COBL: variants seen among roughly 807,000 people sequenced by gnomAD.
COBL encodes protein cordon-bleu.
In COBL, 51 loss-of-function variants were observed where a neutral mutation model predicts 98.8. That is an observed-to-expected ratio of 0.52 (90% confidence interval 0.41 to 0.65). COBL has a LOEUF of 0.65. Among genes scored for constraint, COBL ranks in the 30% least tolerant of loss-of-function variants. COBL has a pLI of 0.00. For synonymous variants in COBL, 634 were observed against 651.7 expected (o/e 0.97, Z 0.41); for missense variants, 1,617 against 1,617.5 (o/e 1.00, Z 0.01).
At chr7:51,093,976 T>C (rs1282024028) in intron 6 of COBL, among the ~76,000 whole-genome samples, 1 of 150,746 alleles carries the variant, frequency 6.6e-6, no homozygotes, top group Non-Finnish European at 1.5e-5. Flanking sequence ...AATTGTTTTT[T>C]ATATACATAT....
intron 1 of COBL, among the ~76,000 whole-genome samples, chr7:51,287,950 G>A (rs746827667): frequency 3.3e-5 from 5 of 152,156 alleles, no homozygotes; most frequent in Non-Finnish European, 7.4e-5. Context: ...TCCATTTATA[G>A]GGCATTCTCA....
chr7:51,173,058 G>A (rs1788034249), intron 5 of COBL, among the ~76,000 whole-genome samples: 1 of 152,086 alleles, frequency 6.6e-6, no homozygotes, highest in Non-Finnish European at 1.5e-5. Flanking sequence ...CAAAATGCTA[G>A]GATTACAGGT....
chr7:51,150,347 T>C (rs1388302236), intron 5 of COBL, among the ~76,000 whole-genome samples: 1 of 152,112 alleles, frequency 6.6e-6, no homozygotes, highest in Non-Finnish European at 1.5e-5. Context: ...ACGTAGGTGT[T>C]AGGAAAGGAA....
chr7:51,280,721 G>A (rs1027713284), intron 1 of COBL, among the ~76,000 whole-genome samples: 1 of 152,186 alleles, frequency 6.6e-6, no homozygotes. Flanking sequence ...AACTGCACAC[G>A]TATGGATCTG....
intron 5 of COBL, among the ~76,000 whole-genome samples, chr7:51,163,133 G>A (rs1185829514): frequency 6.6e-6 from 1 of 152,194 alleles, no homozygotes; most frequent in African/African-American, 2.4e-5. Flanking sequence ...ATTCAAAGCA[G>A]CAAAAGGATG....
Position 51,025,257 on chromosome 7 carries a change from G to GCCA in COBL, c.3619_3620insTGG (p.Pro1207delinsLeuAla). ...CTGGGAGGGTGGAGGGGGTGGTGGG[G>GCCA]GAATGGCTGGTGGGGACAGAAGACC... On this transcript the variant is annotated protein_altering_variant, in exon 12 of 13. Transcript: ENST00000265136. 2 of 1,102,448 alleles carry GCCA rather than the reference G, an allele frequency of 1.8e-6. No individual in the cohort carries two copies. The highest frequency in any genetic ancestry group is 1.8e-5 in the Admixed American group (1 of 56,980). 68.3% of individuals were successfully genotyped at this position (1,102,448 alleles called of 1,614,324 possible).
intron 5 of COBL, among the ~76,000 whole-genome samples, chr7:51,148,029 T>C (rs1305246045): frequency 6.6e-6 from 1 of 152,192 alleles, no homozygotes; most frequent in East Asian, 1.9e-4. Flanking sequence ...CCGAAAGTGC[T>C]GGGATTACAG....
chr7:51,193,469 A>C lies in COBL; in HGVS notation c.366T>G (p.Thr122=). The change falls in exon 3 of 13, where the codon ACT becomes ACG. Residue 122 remains threonine (T), a synonymous_variant. Coordinates refer to ENST00000265136, the MANE Select transcript of COBL (RefSeq NM_015198.5). ...TQQPLSFKPN[T]LIGTLNVHTV... ...TATGCACATTCAGGGTCCCAATCAA[A>C]GTATTTGGCTTAAAACTCAAAGGTT... 6.2e-7 allele frequency: 1 copy of C among 1,614,204 alleles called. No individual in the cohort carries two copies. Among genetic ancestry groups the C allele is most frequent in the Non-Finnish European group, 8.5e-7 (1 of 1,180,028 alleles).
At chr7:51,066,330 A>G (rs1791920512) in intron 7 of COBL, among the ~76,000 whole-genome samples, 1 of 151,922 alleles carries the variant, frequency 6.6e-6, no homozygotes, top group African/African-American at 2.4e-5. Flanking sequence ...AGCACGCACC[A>G]CCTCCTCCAC....
chr7:51,306,052 G>A (rs1364594179), intron 1 of COBL, among the ~76,000 whole-genome samples: 2 of 151,986 alleles, frequency 1.3e-5, no homozygotes, highest in African/African-American at 4.8e-5. Context: ...GCGGGGGTGG[G>A]GGCAAACATT....
At chr7:51,078,728 AG>A (rs538861762) in intron 7 of COBL, among the ~76,000 whole-genome samples, 172 of 152,276 alleles carry the variant, frequency 1.1e-3, no homozygotes, top group African/African-American at 4.0e-3. Flanking sequence ...GGTGTGGATC[AG>A]GACTATGGTC....
chr7:51,128,897 C>T (rs558351954), intron 6 of COBL, among the ~76,000 whole-genome samples: 89 of 152,324 alleles, frequency 5.8e-4, no homozygotes. Flanking sequence ...CCTACCTGTG[C>T]CCAGACAGAC....
At chr7:51,067,637 T>C (rs1450268825) in intron 7 of COBL, among the ~76,000 whole-genome samples, 1 of 152,250 alleles carries the variant, frequency 6.6e-6, no homozygotes, top group Non-Finnish European at 1.5e-5. Flanking sequence ...CAGACCCTTC[T>C]TAGCTGCATG....
intron 1 of COBL, among the ~76,000 whole-genome samples, chr7:51,278,147 T>C (rs1799479746): frequency 6.6e-6 from 1 of 152,146 alleles, no homozygotes; most frequent in Admixed American, 6.5e-5. Flanking sequence ...GCAATACCCG[T>C]ATCAAATGAT....
intron 1 of COBL, among the ~76,000 whole-genome samples, chr7:51,271,755 C>T (rs546985621): frequency 3.9e-4 from 59 of 152,328 alleles, no homozygotes. Flanking sequence ...ACCAGTCGGA[C>T]ACAGTGGCTC....
At chr7:51,101,540 C>T (rs776198668) in intron 6 of COBL, among the ~76,000 whole-genome samples, 1 of 152,200 alleles carries the variant, frequency 6.6e-6, no homozygotes, top group Non-Finnish European at 1.5e-5. Flanking sequence ...TCCTCTTTAA[C>T]CACTGTCCTT....
chr7:51,209,542 G>A (rs970345603), intron 2 of COBL, among the ~76,000 whole-genome samples: 1 of 152,116 alleles, frequency 6.6e-6, no homozygotes, highest in Non-Finnish European at 1.5e-5. Flanking sequence ...AACAAAACAG[G>A]GAGAACATCA....
chr7:51,062,599 GACA>G, intron 7 of COBL, among the ~76,000 whole-genome samples: 1 of 152,354 alleles, frequency 6.6e-6, no homozygotes, highest in Non-Finnish European at 1.5e-5. Flanking sequence ...AGCATTCCCA[GACA>G]ACATCATGGC....
intron 6 of COBL, among the ~76,000 whole-genome samples, chr7:51,113,652 AT>A (rs759396539): frequency 6.6e-6 from 1 of 152,234 alleles, no homozygotes; most frequent in South Asian, 2.1e-4. Flanking sequence ...TGGAAAAAAA[AT>A]ATGTCTGAAT....
Sources: allele counts gnomAD v4.1 joint callset (sites outside exome capture counted in the v4.1 genomes callset), GRCh38; gene constraint gnomAD v4.1.1; transcripts MANE v1.5; gene names NCBI Gene and HGNC (gene_info 2026-07-23, HGNC 2026-07-21).